Variants in ZNF48 observed in about 807,000 individuals in gnomAD.
The protein encoded by ZNF48 is zinc finger protein 553.
A neutral mutation model predicts 40.0 loss-of-function variants in ZNF48; 20 were observed. That is an observed-to-expected ratio of 0.50 (90% confidence interval 0.35 to 0.73). The LOEUF (loss-of-function observed/expected upper bound fraction) is 0.73, where lower values mean the gene tolerates loss of function less well. Among genes scored for constraint, ZNF48 ranks in the 30% least tolerant of loss-of-function variants. The probability of loss-of-function intolerance (pLI) is 0.01; values close to 1 mark genes in which losing one functional copy is unlikely to be tolerated. For missense variants in ZNF48, 726 were observed against 851.9 expected (o/e 0.85, Z 1.84); for synonymous variants, 298 against 329.7 (o/e 0.90, Z 1.04).
chr16:30,395,026 C>A, upstream of ZNF48: 1 of 288,886 alleles, frequency 3.5e-6, no homozygotes. The surrounding 1 kb of genome is among the most constrained non-coding windows in gnomAD (Gnocchi z 5.9). Flanking sequence ...CGGCGCCCCG[C>A]CCCGCCCCGT....
chr16:30,394,845 GTC>G (rs2049966764), upstream of ZNF48: 1 of 211,336 alleles, frequency 4.7e-6, no homozygotes, highest in South Asian at 6.0e-5. Flanking sequence ...CTGGCTCAGG[GTC>G]TCTGTTCCGG....
In ZNF48 at chr16:30,382,810, A is replaced by G; in HGVS notation, c.-16+4400A>G. Reference sequence around the variant, plus strand: ...CCATCATCGTGGTGAGACATGGGGTATGTGCAGAGAGGAAGGAAGTGGCTC... The same window carrying G: ...CCATCATCGTGGTGAGACATGGGGTGTGTGCAGAGAGGAAGGAAGTGGCTC... On this transcript the variant is annotated intron_variant, in intron 1 of 2. Coordinates refer to the ZNF48 transcript ENST00000528032. The surrounding 1 kb of genome is among the most constrained non-coding windows in gnomAD (Gnocchi z 4.8). 1 of 1,534,264 alleles carries G rather than the reference A, an allele frequency of 6.5e-7. No individual in the cohort carries two copies. The highest frequency in any genetic ancestry group is 8.7e-7 in the Non-Finnish European group (1 of 1,145,530).
At chr16:30,389,983 C>T (rs1310297960) in intron 1 of ZNF48, among the ~76,000 whole-genome samples, 2 of 151,700 alleles carry the variant, frequency 1.3e-5, no homozygotes, top group East Asian at 3.8e-4. Context: ...AACACCATCC[C>T]TGGCTAATTC....
At chr16:30,379,471 C>G (rs2049809456) in intron 1 of ZNF48, 1 of 1,613,938 alleles carries the variant, frequency 6.2e-7, no homozygotes, top group Middle Eastern at 1.6e-4. Context: ...CGTCCCCTCA[C>G]CGGCCGGTTC....
chr16:30,381,827 C>G lies in ZNF48; in HGVS notation c.-16+3417C>G. On this transcript the variant is annotated intron_variant, in intron 1 of 2. Coordinates refer to the ZNF48 transcript ENST00000528032. The surrounding 1 kb of genome is among the most constrained non-coding windows in gnomAD (Gnocchi z 4.3). ...ACAAGGGTCAGCTTCACTTTCACAC[C>G]CCCTTCCTCAATCTCTACGCCCCGG... 1 of 1,614,182 alleles carries G rather than the reference C, an allele frequency of 6.2e-7. No homozygotes were observed.
At position 30,382,656 on chromosome 16, in the gene ZNF48, A is replaced by G; in HGVS notation, c.-16+4246A>G. The G allele has an allele frequency of 6.5e-7, 1 of 1,537,646 alleles. No homozygotes were observed. Among genetic ancestry groups the G allele is most frequent in the Non-Finnish European group, 8.7e-7 (1 of 1,143,670 alleles). ...GATGCTCAAACTGGCCCAGTCCCAG[A>G]GAGGTGGGGAAGGCCAAGGCCAAGA... On this transcript the variant is annotated intron_variant, in intron 1 of 2. Coordinates refer to the ZNF48 transcript ENST00000528032. This position sits in a 1 kb window ranked among gnomAD's most constrained non-coding sequence, Gnocchi z 4.8.
intron 1 of ZNF48, chr16:30,379,655 T>TTTTTTA: frequency 1.5e-6 from 1 of 647,038 alleles, no homozygotes; most frequent in Non-Finnish European, 2.6e-6. Context: ...TTTTTTTTTT[T>TTTTTTA]TTTTTTTTTT....
intron 1 of ZNF48, chr16:30,378,882 G>GA: frequency 2.4e-5 from 19 of 807,394 alleles, no homozygotes; most frequent in Non-Finnish European, 3.1e-5. Context: ...GAGAGAGGGA[G>GA]GGAGGGAGGG....
intron 1 of ZNF48, among the ~76,000 whole-genome samples, chr16:30,385,671 C>T (rs551028761): frequency 9.2e-5 from 14 of 152,192 alleles, no homozygotes; most frequent in Middle Eastern, 3.4e-3. Flanking sequence ...TCTCACTCCC[C>T]ACAAGTGTTT....
chr16:30,379,526 G>A (rs2049810689), intron 1 of ZNF48: 1 of 1,613,546 alleles, frequency 6.2e-7, no homozygotes, highest in Non-Finnish European at 8.5e-7. Context: ...CTGCAAAAGG[G>A]ATGCTTTCCT....
In ZNF48 at chr16:30,397,795, G is replaced by A. The variant is rs958634708; in HGVS notation, c.545G>A (p.Arg182Gln). 14 of 1,613,340 alleles carry A rather than the reference G, an allele frequency of 8.7e-6. No homozygotes were observed. The highest frequency in any genetic ancestry group is 2.7e-5 in the African/African-American group (2 of 74,736). Residue 182 changes from arginine to glutamine, a missense_variant, in exon 3 of 3, where the codon CGG (arginine) becomes CAG (glutamine). Arg to Gln is a conservative substitution (Grantham distance 43). Around this residue, in one of 5 missense-constraint regions of ZNF48, gnomAD observed 378 missense variants for 449.1 expected, o/e 0.84. Transcript: ENST00000613509. This position sits in a 1 kb window ranked among gnomAD's most constrained non-coding sequence, Gnocchi z 4.1. ...PPAQGPPKIP[R>Q]SRIPAGERPT... is the part of the protein sequence containing the mutation. ...GCCCAGGGTCCCCCAAAGATTCCTCGGTCCCGGATCCCTGCTGGTGAGCGC... is the reference window on the plus strand; with the variant it reads ...GCCCAGGGTCCCCCAAAGATTCCTCAGTCCCGGATCCCTGCTGGTGAGCGC...
intron 1 of ZNF48, chr16:30,379,055 G>A (rs377571349): frequency 4.5e-5 from 73 of 1,613,798 alleles, no homozygotes; most frequent in Non-Finnish European, 5.8e-5. Flanking sequence ...GGCCGGGCCA[G>A]GCTCTGTAGG....
rs1287864433 is a variant in ZNF48, at chr16:30,381,675, G to A, written c.-16+3265G>A. ...AAACAGACACCACCTTTTGAGATAG[G>A]GAGCCAGCACAAACCAGTCCTGTAA... On this transcript the variant is annotated intron_variant, in intron 1 of 2. Transcript: ENST00000528032. The surrounding 1 kb of genome is among the most constrained non-coding windows in gnomAD (Gnocchi z 4.3). 8 of 1,565,356 alleles carry A rather than the reference G, an allele frequency of 5.1e-6. No individual in the cohort carries two copies. In the Admixed American group the frequency reaches 1.5e-4, roughly 29 times the overall value.
At position 30,382,182 on chromosome 16, in the gene ZNF48, G is replaced by A. The variant is rs751559972; in HGVS notation, c.-16+3772G>A. The A allele has an allele frequency of 6.2e-7, 1 of 1,611,792 alleles. No homozygotes were observed. Among genetic ancestry groups the A allele is most frequent in the East Asian group, 2.2e-5 (1 of 44,768 alleles). ...GGATTTCCCTAGGCCTGACTCCCCT[G>A]TGGACAGAACAGGCCCAACTGGTCA... On this transcript the variant is annotated intron_variant, in intron 1 of 2. Coordinates refer to the ZNF48 transcript ENST00000528032. The surrounding 1 kb of genome is among the most constrained non-coding windows in gnomAD (Gnocchi z 4.8).
rs151211858 is a variant in ZNF48, at chr16:30,398,764, G to A, written c.1514G>A (p.Arg505Gln). The A allele has an allele frequency of 1.1e-4, 184 of 1,613,658 alleles. No homozygotes were observed. In the Middle Eastern group the frequency reaches 1.3e-3, roughly 12 times the overall value. The change falls in exon 3 of 3, where the codon CGG becomes CAG. Residue 505 changes from arginine to glutamine, a missense_variant. By Grantham distance (43) the Arg-to-Gln change is conservative. Coordinates refer to ENST00000613509, the MANE Select transcript of ZNF48 (RefSeq NM_001214909.2). This position sits in a 1 kb window ranked among gnomAD's most constrained non-coding sequence, Gnocchi z 6.6. ...CACCTCCGCACCCACCGTGGTGAAC[G>A]GGCCCGGCCACCACCACCATCCACT... ...VKHLRTHRGERARPPPPSTLL... is the reference protein window; with the variant it reads ...VKHLRTHRGEQARPPPPSTLL...
At position 30,395,900 on chromosome 16, in the gene ZNF48, C is replaced by A; in HGVS notation, c.79+27C>A. 1.3e-6 allele frequency: 2 copies of A among 1,507,814 alleles called. No individual in the cohort carries two copies. Among genetic ancestry groups the A allele is most frequent in the Non-Finnish European group, 1.8e-6 (2 of 1,128,536 alleles). 93.4% of individuals were successfully genotyped at this position (1,507,814 alleles called of 1,614,324 possible). ...TGAGGGCCTCGGCCGTGCGCCGCCA[C>A]GGACAGGTAACGGCCGGTGGGGACT... On this transcript the variant is annotated intron_variant, in intron 2 of 2. Transcript: ENST00000613509. This position sits in a 1 kb window ranked among gnomAD's most constrained non-coding sequence, Gnocchi z 5.9.
Position 30,381,074 on chromosome 16 carries a change from G to A in ZNF48, c.-16+2664G>A. On this transcript the variant is annotated intron_variant, in intron 1 of 2. Transcript: ENST00000528032. This position sits in a 1 kb window ranked among gnomAD's most constrained non-coding sequence, Gnocchi z 4.3. The stretch of plus-strand genomic sequence containing the variant: ...CTTCAAGATCAAAGAAGTCTAAGCT[G>A]AAATCAGGTTTGGCTTCACATGGGG... 1 of 1,385,510 alleles carries A rather than the reference G, an allele frequency of 7.2e-7. No individual in the cohort carries two copies. Among genetic ancestry groups the A allele is most frequent in the Non-Finnish European group, 1.0e-6 (1 of 971,204 alleles). The allele number at this position is 1,385,510 out of a possible 1,614,324, so 85.8% of individuals were successfully genotyped here.
chr16:30,390,340 C>A (rs1270685249), intron 1 of ZNF48, among the ~76,000 whole-genome samples: 2 of 152,080 alleles, frequency 1.3e-5, no homozygotes, highest in African/African-American at 4.8e-5. Flanking sequence ...AGCACAAATG[C>A]CCAGTACCTG....
At position 30,382,675 on chromosome 16, in the gene ZNF48, G is replaced by A. The variant is rs2049867853; in HGVS notation, c.-16+4265G>A. 2.6e-6 allele frequency: 4 copies of A among 1,532,300 alleles called. No individual in the cohort carries two copies. In the African/African-American group the frequency reaches 4.1e-5, roughly 16 times the overall value. 94.9% of individuals were successfully genotyped at this position (1,532,300 alleles called of 1,614,324 possible). On this transcript the variant is annotated intron_variant, in intron 1 of 2. Transcript: ENST00000528032. This position sits in a 1 kb window ranked among gnomAD's most constrained non-coding sequence, Gnocchi z 4.8. ...TCCCAGAGAGGTGGGGAAGGCCAAGGCCAAGAACACTTGGGGTTGCCACCT... is the reference window on the plus strand; with the variant it reads ...TCCCAGAGAGGTGGGGAAGGCCAAGACCAAGAACACTTGGGGTTGCCACCT...
Sources: gnomAD v4.1 joint callset for allele counts (sites outside exome capture counted in the v4.1 genomes callset) on GRCh38, gnomAD v4.1.1 for gene constraint, gnomAD v4.1.1 regional missense constraint, Gnocchi (gnomAD v3.1) non-coding constraint, MANE v1.5 for transcripts, NCBI Gene and HGNC (gene_info 2026-07-23, HGNC 2026-07-21) for gene names.